The following CYRIA variants were observed in gnomAD, a reference collection of about 807,000 sequenced individuals.
CYRIA encodes CYFIP-related Rac1 interactor A.
Under a neutral mutation model 43.9 loss-of-function variants are expected in CYRIA, and 15 were observed. The ratio of observed to expected loss-of-function variants is 0.34; its 90% CI spans 0.23 to 0.53. The LOEUF is 0.53. Among genes scored for constraint, CYRIA ranks in the 20% least tolerant of loss-of-function variants. The pLI, the probability that CYRIA is intolerant of heterozygous loss-of-function variation, is 0.94. For missense variants in CYRIA, 236 were observed against 394.2 expected, an observed-to-expected ratio of 0.60 and a Z score of 3.40; for synonymous variants, 117 against 136.0, an observed-to-expected ratio of 0.86 and a Z score of 0.97.
At chr2:16,655,170 C>T (rs1670077736) in intron 1 of CYRIA, among the ~76,000 whole-genome samples, 1 of 152,204 alleles carries the variant, frequency 6.6e-6, no homozygotes, top group South Asian at 2.1e-4. Context: ...AAAGAGGAAA[C>T]CCCAATTCAG....
At chr2:16,613,523 C>A (rs1668675364) in intron 2 of CYRIA, among the ~76,000 whole-genome samples, 1 of 149,598 alleles carries the variant, frequency 6.7e-6, no homozygotes. Flanking sequence ...TCATTTAATT[C>A]TCACAATTAC....
rs188773936 is a variant in CYRIA at position 16,603,204 on chromosome 2, C to T, written c.-10-15075G>A. Among the ~76,000 whole-genome samples, 148 of 152,336 alleles carry T rather than the reference C, an allele frequency of 9.7e-4. 1 individual carries two copies. The highest frequency in any genetic ancestry group is 6.8e-3 in the Admixed American group (104 of 15,300). ...TCCAGCCTTGCCCTGCACATCCCATCCCTAGAGTGGCTCTGCTCTTGACTG... is the reference window on the plus strand; with the variant it reads ...TCCAGCCTTGCCCTGCACATCCCATTCCTAGAGTGGCTCTGCTCTTGACTG... On this transcript the variant is annotated intron_variant, in intron 2 of 11. Transcript: ENST00000381323.
intron 1 of CYRIA, among the ~76,000 whole-genome samples, chr2:16,651,562 C>T (rs1261538484): frequency 6.6e-5 from 10 of 152,162 alleles, no homozygotes; most frequent in African/African-American, 1.7e-4. Flanking sequence ...ACATGGGTCC[C>T]GCACAGGCAT....
At chr2:16,642,652 T>G (rs1417384477) in intron 1 of CYRIA, among the ~76,000 whole-genome samples, 1 of 151,670 alleles carries the variant, frequency 6.6e-6, no homozygotes, top group Non-Finnish European at 1.5e-5. Context: ...CCCCAGGACC[T>G]TGCCGACCTC....
chr2:16,623,355 G>A (rs947962160), intron 2 of CYRIA, among the ~76,000 whole-genome samples: 2 of 152,218 alleles, frequency 1.3e-5, no homozygotes, highest in South Asian at 2.1e-4. Context: ...GAGACATTGC[G>A]TTGGTGGTCA....
At chr2:16,563,192 G>C (rs929275179) in intron 5 of CYRIA, among the ~76,000 whole-genome samples, 1 of 152,100 alleles carries the variant, frequency 6.6e-6, no homozygotes, top group Non-Finnish European at 1.5e-5. Context: ...AGGAAACATA[G>C]AAAGAAGTCT....
chr2:16,663,028 G>C (rs564251182), intron 1 of CYRIA, among the ~76,000 whole-genome samples: 93 of 152,312 alleles, frequency 6.1e-4, no homozygotes, highest in Non-Finnish European at 1.0e-3. Context: ...CAACATCAAG[G>C]CTGGGCAAAA....
At chr2:16,593,274 T>C (rs1210097543) in intron 2 of CYRIA, among the ~76,000 whole-genome samples, 2 of 152,204 alleles carry the variant, frequency 1.3e-5, no homozygotes, top group Admixed American at 1.3e-4. Flanking sequence ...CATGGTCCTT[T>C]ATGTATATCT....
intron 1 of CYRIA, among the ~76,000 whole-genome samples, chr2:16,648,374 C>A (rs1669877549): frequency 6.6e-6 from 1 of 151,580 alleles, no homozygotes; most frequent in Non-Finnish European, 1.5e-5. Flanking sequence ...TTTGGGACAG[C>A]CCCAAAGAAA....
At chr2:16,570,050 C>A (rs955259338) in intron 3 of CYRIA, among the ~76,000 whole-genome samples, 4 of 151,930 alleles carry the variant, frequency 2.6e-5, no homozygotes, top group Non-Finnish European at 5.9e-5. Flanking sequence ...AATGAATACA[C>A]GAAGAAATTG....
At chr2:16,567,201 C>G (rs779498110) in intron 3 of CYRIA, among the ~76,000 whole-genome samples, 1 of 152,100 alleles carries the variant, frequency 6.6e-6, no homozygotes, top group Admixed American at 6.5e-5. Context: ...GTCAGGAGAT[C>G]GAGGCCAACC....
rs112809752 is a variant in CYRIA at position 16,575,878 on chromosome 2, A to AAAT, written c.71-10112_71-10111insATT. Reference sequence around the variant, plus strand: ...CTCAAAAAAATAAAAATAAATAAATAAAATAAATAAATAAATAAATAAATA... The same window carrying AAAT: ...CTCAAAAAAATAAAAATAAATAAATAAATAAATAAATAAATAAATAAATAAATA... On this transcript the variant is annotated intron_variant, in intron 3 of 11. Transcript: ENST00000381323. 4.7e-5 allele frequency among the ~76,000 whole-genome samples: 7 copies of AAAT among 147,996 alleles called. No individual in the cohort carries two copies. In the South Asian group the frequency reaches 8.6e-4, roughly 18 times the overall value.
At chr2:16,639,998 C>G (rs574238223) in intron 1 of CYRIA, among the ~76,000 whole-genome samples, 1 of 152,134 alleles carries the variant, frequency 6.6e-6, no homozygotes, top group African/African-American at 2.4e-5. Context: ...ATTGAAGAGG[C>G]AGCATATCAT....
chr2:16,582,894 A>G (rs1330666576), intron 3 of CYRIA, among the ~76,000 whole-genome samples: 1 of 152,176 alleles, frequency 6.6e-6, no homozygotes, highest in Non-Finnish European at 1.5e-5. Context: ...GAATAGCTGG[A>G]TCATATGGTA....
chr2:16,574,695 CAT>C (rs1273977600), intron 3 of CYRIA, among the ~76,000 whole-genome samples: 1 of 152,172 alleles, frequency 6.6e-6, no homozygotes, highest in Non-Finnish European at 1.5e-5. Flanking sequence ...TGGTGGCTCA[CAT>C]GTGGTGCTGA....
At chr2:16,660,473 T>A (rs989280695) in intron 1 of CYRIA, among the ~76,000 whole-genome samples, 8 of 152,188 alleles carry the variant, frequency 5.3e-5, no homozygotes, top group Admixed American at 1.3e-4. Flanking sequence ...CTCAGCACAC[T>A]GCACTTTGTA....
At chr2:16,616,004 T>A (rs1572509408) in intron 2 of CYRIA, among the ~76,000 whole-genome samples, 1 of 152,208 alleles carries the variant, frequency 6.6e-6, no homozygotes, top group Non-Finnish European at 1.5e-5. Flanking sequence ...TGTGAGATCC[T>A]GCCCCAGAAG....
chr2:16,584,301 A>G (rs2103451907), intron 3 of CYRIA, among the ~76,000 whole-genome samples: 1 of 152,210 alleles, frequency 6.6e-6, no homozygotes, highest in South Asian at 2.1e-4. Context: ...CTGCCTGGAT[A>G]GAGCCCGCTT....
chr2:16,615,865 C>T (rs1274431501), intron 2 of CYRIA, among the ~76,000 whole-genome samples: 1 of 152,230 alleles, frequency 6.6e-6, no homozygotes, highest in East Asian at 1.9e-4. Context: ...ACTGGGATAT[C>T]CCTGGTGCAA....
Sources: gnomAD v4.1 joint callset for allele counts (sites outside exome capture counted in the v4.1 genomes callset) on GRCh38, gnomAD v4.1.1 for gene constraint, MANE v1.5 for transcripts, NCBI Gene and HGNC (gene_info 2026-07-23, HGNC 2026-07-21) for gene names.